RAP1GDS1: variants seen among roughly 807,000 people sequenced by gnomAD.
RAP1GDS1 encodes the protein RAP1, GTP-GDP dissociation stimulator 1.
In RAP1GDS1, 35 loss-of-function variants were observed where a neutral mutation model predicts 71.1. That is an observed-to-expected ratio of 0.49 (90% CI 0.38 to 0.65). RAP1GDS1 has a LOEUF of 0.65. RAP1GDS1 is among the 30% of genes least tolerant of loss of function. The pLI is 0.00. For missense variants in RAP1GDS1, 663 were observed against 706.1 expected (o/e 0.94, Z 0.69); for synonymous variants, 229 against 243.1 (o/e 0.94, Z 0.54).
chr4:98,282,851 T>G (rs1022303837), intron 1 of RAP1GDS1, among the ~76,000 whole-genome samples: 6 of 152,198 alleles, frequency 3.9e-5, no homozygotes, highest in African/African-American at 1.4e-4. Flanking sequence ...AAGAACATCT[T>G]TATTTCTGCC....
intron 5 of RAP1GDS1, among the ~76,000 whole-genome samples, chr4:98,384,842 A>T (rs1742511238): frequency 6.6e-6 from 1 of 151,664 alleles, no homozygotes; most frequent in African/African-American, 2.4e-5. Context: ...GCATTATATT[A>T]TTACAGGAAT....
chr4:98,421,955 T>C (rs1748928336), intron 12 of RAP1GDS1, among the ~76,000 whole-genome samples: 1 of 151,950 alleles, frequency 6.6e-6, no homozygotes, highest in Non-Finnish European at 1.5e-5. Context: ...CCCAGCACTT[T>C]GGGAGACTGA....
At chr4:98,439,494 A>G (rs986228022) in intron 14 of RAP1GDS1, among the ~76,000 whole-genome samples, 1 of 152,182 alleles carries the variant, frequency 6.6e-6, no homozygotes, top group African/African-American at 2.4e-5. Context: ...TTACTTCTTC[A>G]GGTACTTTTC....
At chr4:98,352,798 A>T (rs983219184) in intron 4 of RAP1GDS1, among the ~76,000 whole-genome samples, 197 bp downstream of exon 4, 1 of 152,208 alleles carries the variant, frequency 6.6e-6, no homozygotes, top group African/African-American at 2.4e-5. Flanking sequence ...AGGAAATGAA[A>T]TGTTTTCCTC....
chr4:98,305,562 C>G (rs766551852), intron 2 of RAP1GDS1, among the ~76,000 whole-genome samples: 1 of 152,120 alleles, frequency 6.6e-6, no homozygotes, highest in Non-Finnish European at 1.5e-5. Flanking sequence ...AGGCTTGAAT[C>G]TGGGAGAGTG....
At chr4:98,429,715 C>T (rs1042182051) in intron 12 of RAP1GDS1, among the ~76,000 whole-genome samples, 4 of 152,126 alleles carry the variant, frequency 2.6e-5, no homozygotes, top group Admixed American at 6.5e-5. Flanking sequence ...TGTTGGGCCA[C>T]GTTCAAAATC....
chr4:98,342,348 C>A (rs1735606102), intron 2 of RAP1GDS1, among the ~76,000 whole-genome samples: 1 of 152,114 alleles, frequency 6.6e-6, no homozygotes, highest in Non-Finnish European at 1.5e-5. Flanking sequence ...CTTATAACCT[C>A]TAGCTTTAAA....
chr4:98,284,974 C>G (rs1238558409), intron 1 of RAP1GDS1, among the ~76,000 whole-genome samples: 1 of 152,172 alleles, frequency 6.6e-6, no homozygotes, highest in Non-Finnish European at 1.5e-5. Flanking sequence ...CTTTGAGACT[C>G]TGCATCAAGG....
intron 7 of RAP1GDS1, among the ~76,000 whole-genome samples, chr4:98,413,729 A>G (rs1747463145): frequency 6.6e-6 from 1 of 152,146 alleles, no homozygotes; most frequent in African/African-American, 2.4e-5. Context: ...ATTTGGGTAT[A>G]TACCCAGTAA....
chr4:98,367,793 G>A (rs1560910668), intron 4 of RAP1GDS1, among the ~76,000 whole-genome samples: 1 of 152,210 alleles, frequency 6.6e-6, no homozygotes, highest in Non-Finnish European at 1.5e-5. Flanking sequence ...TGGAATGGTT[G>A]TGTTTATCCA....
chr4:98,419,939 T>G, intron 10 of RAP1GDS1, 80 bp from the exon 11 acceptor site: 1 of 1,260,610 alleles, frequency 7.9e-7, no homozygotes, highest in Non-Finnish European at 1.1e-6. Flanking sequence ...TTAAAGATAC[T>G]TAATAAACCT....
intron 5 of RAP1GDS1, among the ~76,000 whole-genome samples, chr4:98,382,166 A>G (rs1742115218): frequency 6.6e-6 from 1 of 151,616 alleles, no homozygotes; most frequent in African/African-American, 2.4e-5. Context: ...CCTCTAAGCT[A>G]TGAGCTGGAT....
chr4:98,325,988 G>A (rs1733009330), intron 2 of RAP1GDS1, among the ~76,000 whole-genome samples: 1 of 151,694 alleles, frequency 6.6e-6, no homozygotes, highest in Non-Finnish European at 1.5e-5. Context: ...CAGTTTACCA[G>A]TTGGTTCTTT....
At chr4:98,440,905 C>T (rs550138682) in intron 14 of RAP1GDS1, among the ~76,000 whole-genome samples, 10 of 152,266 alleles carry the variant, frequency 6.6e-5, no homozygotes, top group African/African-American at 2.4e-4. Context: ...GTTGGTCAGG[C>T]TGGTCTCAAA....
intron 2 of RAP1GDS1, among the ~76,000 whole-genome samples, chr4:98,325,846 G>A (rs552745511): frequency 8.6e-5 from 13 of 150,388 alleles, no homozygotes; most frequent in South Asian, 2.1e-4. Flanking sequence ...TGGGTGCAGC[G>A]CACCAGCATG....
chr4:98,436,852 C>T (rs777891038), intron 13 of RAP1GDS1, 88 bp from the exon 14 acceptor site: 164 of 1,315,586 alleles, frequency 1.2e-4, no homozygotes, highest in Admixed American at 1.9e-4. Flanking sequence ...TAGAAGGTTT[C>T]GTATGGTCAA....
chr4:98,348,479 C>T (rs1387831506), intron 3 of RAP1GDS1, among the ~76,000 whole-genome samples: 1 of 152,230 alleles, frequency 6.6e-6, no homozygotes, highest in East Asian at 1.9e-4. Flanking sequence ...TGGGTATATA[C>T]CCAGTAATGG....
intron 5 of RAP1GDS1, among the ~76,000 whole-genome samples, chr4:98,385,241 T>C (rs1284008089): frequency 2.0e-5 from 3 of 151,792 alleles, no homozygotes; most frequent in African/African-American, 7.2e-5. Context: ...ATTTTCTCTT[T>C]ACATGAAATG....
chr4:98,382,777 A>G (rs1400256181), intron 5 of RAP1GDS1, among the ~76,000 whole-genome samples: 1 of 151,660 alleles, frequency 6.6e-6, no homozygotes, highest in African/African-American at 2.4e-5. Context: ...AGCAAATTCA[A>G]TACTTGGAAG....
Sources: gnomAD v4.1 joint callset for allele counts (sites outside exome capture counted in the v4.1 genomes callset) on GRCh38, gnomAD v4.1.1 for gene constraint, MANE v1.5 for transcripts, NCBI Gene and HGNC (gene_info 2026-07-23, HGNC 2026-07-21) for gene names.